LGSN: variants seen among roughly 807,000 people sequenced by gnomAD.
The protein encoded by LGSN is lengsin.
LGSN carries 21 observed loss-of-function variants against 19.5 expected under a neutral mutation model. The observed-to-expected ratio is 1.07, with a 90% CI of 0.76 to 1.55. The LOEUF (loss-of-function observed/expected upper bound fraction) is 1.55. Among genes scored for constraint, LGSN ranks in the 40% most tolerant of loss-of-function variants. The pLI, the probability that LGSN is intolerant of heterozygous loss-of-function variation, is 0.00. For synonymous variants in LGSN, 257 were observed against 215.6 expected (o/e 1.19, Z -1.68); for missense variants, 673 against 608.5 (o/e 1.11, Z -1.12).
the LGSN span, chr6:63,392,704 G>T: frequency 6.6e-6 from 1 of 152,094 alleles, no homozygotes; most frequent in Non-Finnish European, 1.5e-5. Flanking sequence ...GAATTAAGAA[G>T]AAATTACTTA....
the LGSN span, among the ~76,000 whole-genome samples, chr6:63,468,675 G>T: frequency 2.0e-5 from 3 of 152,050 alleles, no homozygotes; most frequent in Non-Finnish European, 4.4e-5. Context: ...TGATCTGCCC[G>T]CCTCAGCCTC....
the LGSN span, among the ~76,000 whole-genome samples, chr6:63,359,611 T>A: frequency 3.9e-5 from 6 of 152,246 alleles, no homozygotes; most frequent in Non-Finnish European, 8.8e-5. Context: ...ATTTTCTAGT[T>A]TATTTGCATA....
the LGSN span, among the ~76,000 whole-genome samples, chr6:63,521,980 C>G: frequency 6.6e-6 from 1 of 152,202 alleles, no homozygotes. Flanking sequence ...AGGGCACACA[C>G]TCATTTAGTG....
the LGSN span, among the ~76,000 whole-genome samples, chr6:63,526,661 A>T: frequency 6.6e-6 from 1 of 151,562 alleles, no homozygotes; most frequent in Non-Finnish European, 1.5e-5. Context: ...TACAAAAATT[A>T]GCTGGACGTG....
At chr6:63,511,993 T>C in the LGSN span, among the ~76,000 whole-genome samples, 3 of 152,308 alleles carry the variant, frequency 2.0e-5, no homozygotes, top group Admixed American at 6.5e-5. Flanking sequence ...ATACTTATTT[T>C]ACTATATGGC....
chr6:63,338,912 G>A, the LGSN span, among the ~76,000 whole-genome samples: 1 of 151,942 alleles, frequency 6.6e-6, no homozygotes, highest in Admixed American at 6.6e-5. Flanking sequence ...CCTTCTTAAT[G>A]TCTTCATAGA....
chr6:63,473,868 A>G, the LGSN span, among the ~76,000 whole-genome samples: 1 of 148,256 alleles, frequency 6.7e-6, no homozygotes, highest in African/African-American at 2.5e-5. Flanking sequence ...AATGTTTGCT[A>G]TTAATAATGA....
At chr6:63,514,683 G>A in the LGSN span, among the ~76,000 whole-genome samples, 4 of 152,276 alleles carry the variant, frequency 2.6e-5, no homozygotes, top group South Asian at 2.1e-4. Context: ...GGTTTGTTAA[G>A]TAAAGAACTT....
chr6:63,515,601 G>C, the LGSN span, among the ~76,000 whole-genome samples: 1 of 152,152 alleles, frequency 6.6e-6, no homozygotes, highest in African/African-American at 2.4e-5. Context: ...TAGCAATCTT[G>C]AGTTGACATG....
the LGSN span, among the ~76,000 whole-genome samples, chr6:63,326,515 G>A: frequency 6.6e-6 from 1 of 152,236 alleles, no homozygotes; most frequent in Admixed American, 6.5e-5. Context: ...CGCTTGTTGA[G>A]GAGGCTTGGG....
chr6:63,560,402 CTT>C, the LGSN span, among the ~76,000 whole-genome samples: 12 of 141,552 alleles, frequency 8.5e-5, no homozygotes, highest in African/African-American at 2.6e-4. Context: ...AACACAAAGC[CTT>C]TTTTTTTTTT....
At chr6:63,403,990 C>T in the LGSN span, among the ~76,000 whole-genome samples, 5 of 151,860 alleles carry the variant, frequency 3.3e-5, no homozygotes, top group Non-Finnish European at 5.9e-5. Flanking sequence ...CCATTGCTGG[C>T]TTTTAAGAAG....
the LGSN span, among the ~76,000 whole-genome samples, chr6:63,548,021 C>G: frequency 6.6e-6 from 1 of 152,198 alleles, no homozygotes; most frequent in African/African-American, 2.4e-5. Context: ...TTAATTCCCT[C>G]TAGGGATTCC....
At chr6:63,472,525 G>A in the LGSN span, among the ~76,000 whole-genome samples, 1 of 152,090 alleles carries the variant, frequency 6.6e-6, no homozygotes, top group Non-Finnish European at 1.5e-5. Flanking sequence ...TCAATCTCTG[G>A]AATAGCTGGG....
chr6:63,551,594 T>C, the LGSN span, among the ~76,000 whole-genome samples: 2 of 152,166 alleles, frequency 1.3e-5, no homozygotes, highest in Non-Finnish European at 2.9e-5. Flanking sequence ...TGTGCAGGTT[T>C]GTTACATATG....
chr6:63,569,271 T>C, the LGSN span, among the ~76,000 whole-genome samples: 1 of 152,234 alleles, frequency 6.6e-6, no homozygotes, highest in Admixed American at 6.5e-5. Flanking sequence ...ATATTCTTTT[T>C]TTGAAATGAA....
the LGSN span, among the ~76,000 whole-genome samples, chr6:63,498,138 G>A: frequency 5.2e-4 from 79 of 151,852 alleles, no homozygotes; most frequent in Admixed American, 2.1e-3. Context: ...GGCTGGTCTC[G>A]AACTCCTGAC....
the LGSN span, among the ~76,000 whole-genome samples, chr6:63,522,568 T>C: frequency 6.6e-6 from 1 of 152,196 alleles, no homozygotes; most frequent in African/African-American, 2.4e-5. Flanking sequence ...AAGGGCTCTA[T>C]AAGTTGAATA....
the LGSN span, among the ~76,000 whole-genome samples, chr6:63,525,072 G>T: frequency 2.0e-5 from 3 of 152,290 alleles, no homozygotes; most frequent in Non-Finnish European, 4.4e-5. Context: ...ATTTCTGAAA[G>T]GGTGTTTAGA....
Sources: gnomAD v4.1 joint callset for allele counts (sites outside exome capture counted in the v4.1 genomes callset) on GRCh38, gnomAD v4.1.1 for gene constraint, MANE v1.5 for transcripts, NCBI Gene and HGNC (gene_info 2026-07-23, HGNC 2026-07-21) for gene names.